KALRN: variants seen among roughly 807,000 people sequenced by gnomAD.
The protein encoded by KALRN is kalirin RhoGEF kinase.
KALRN carries 70 observed loss-of-function variants against 353.7 expected under a neutral mutation model. That is an observed-to-expected ratio of 0.20 (90% CI 0.16 to 0.24). KALRN has a LOEUF of 0.24. Among genes scored for constraint, KALRN ranks in the 10% least tolerant of loss-of-function variants. The pLI, the probability that KALRN is intolerant of heterozygous loss-of-function variation, is 1.00. For missense variants in KALRN, 2,791 were observed against 3,756.7 expected, an observed-to-expected ratio of 0.74 and a Z score of 6.72; for synonymous variants, 1,391 against 1,434.8, an observed-to-expected ratio of 0.97 and a Z score of 0.69.
At chr3:124,681,900 G>C (rs1286258753) in intron 51 of KALRN, among the ~76,000 whole-genome samples, 1 of 152,130 alleles carries the variant, frequency 6.6e-6, no homozygotes, top group African/African-American at 2.4e-5. Context: ...AAAGTGCTGG[G>C]ATTACAGGTG....
chr3:124,344,058 A>G (rs1192052387), intron 9 of KALRN, among the ~76,000 whole-genome samples: 2 of 152,266 alleles, frequency 1.3e-5, no homozygotes, highest in African/African-American at 4.8e-5. Context: ...AATGACTATC[A>G]TGCTGTATAT....
At chr3:124,051,309 G>A (rs1304070125) in intron 1 of KALRN, among the ~76,000 whole-genome samples, 3 of 152,194 alleles carry the variant, frequency 2.0e-5, no homozygotes, top group Non-Finnish European at 4.4e-5. Context: ...AGAGGTTGGT[G>A]TTTTGGTCTG....
At chr3:124,703,804 C>A (rs558396383) in intron 57 of KALRN, among the ~76,000 whole-genome samples, 2 of 152,064 alleles carry the variant, frequency 1.3e-5, no homozygotes, top group African/African-American at 4.8e-5. Flanking sequence ...CAGGTGCACA[C>A]CACCATACCT....
At chr3:124,641,252 A>G (rs754365510) in intron 37 of KALRN, among the ~76,000 whole-genome samples, 1 of 152,120 alleles carries the variant, frequency 6.6e-6, no homozygotes, top group Non-Finnish European at 1.5e-5. Flanking sequence ...CTGGACATTA[A>G]TGGGCCCTTC....
intron 51 of KALRN, among the ~76,000 whole-genome samples, chr3:124,689,034 G>A (rs1289507776): frequency 1.3e-5 from 2 of 152,146 alleles, no homozygotes; most frequent in African/African-American, 4.8e-5. Flanking sequence ...CCCTCTGCTG[G>A]TCAAATAAAA....
intron 1 of KALRN, among the ~76,000 whole-genome samples, chr3:124,047,298 C>G (rs2040572308): frequency 2.0e-5 from 3 of 152,026 alleles, no homozygotes; most frequent in Admixed American, 1.3e-4. Flanking sequence ...GATCTTTGTC[C>G]CTGAAAAGTT....
intron 33 of KALRN, among the ~76,000 whole-genome samples, chr3:124,548,638 C>T (rs2070030617): frequency 6.6e-6 from 1 of 152,194 alleles, no homozygotes; most frequent in Non-Finnish European, 1.5e-5. Flanking sequence ...CAAGTGTTCA[C>T]ATGCATTATA....
intron 1 of KALRN, among the ~76,000 whole-genome samples, chr3:124,137,591 T>C (rs1259278363): frequency 4.6e-5 from 7 of 152,162 alleles, no homozygotes; most frequent in Admixed American, 3.3e-4. Context: ...TGGGACTAAC[T>C]TGAGGATGCA....
At chr3:124,479,716 ATTTTTTTTTTTTTT>A (rs142639039) in intron 27 of KALRN, among the ~76,000 whole-genome samples, 2 of 86,808 alleles carry the variant, frequency 2.3e-5, no homozygotes, top group African/African-American at 8.4e-5. Context: ...ACGATCCAGA[ATTTTTTTTTTTTTT>A]TTTTTTTTTT....
chr3:124,270,773 G>T (rs1343320334), intron 5 of KALRN, among the ~76,000 whole-genome samples: 1 of 151,042 alleles, frequency 6.6e-6, no homozygotes, highest in Non-Finnish European at 1.5e-5. Context: ...CCAGAATCAG[G>T]TACTTTGGCT....
At chr3:124,673,638 T>C (rs2086785818) in intron 48 of KALRN, among the ~76,000 whole-genome samples, 2 of 152,038 alleles carry the variant, frequency 1.3e-5, no homozygotes, top group South Asian at 4.1e-4. Context: ...AGAATATATA[T>C]GTATATACTG....
At chr3:124,072,286 G>A (rs775916110) in intron 1 of KALRN, among the ~76,000 whole-genome samples, 11 of 152,138 alleles carry the variant, frequency 7.2e-5, no homozygotes, top group Non-Finnish European at 1.5e-4. Context: ...GTTCTGTTCC[G>A]ATCTGCTCCC....
chr3:124,690,505 G>C (rs2061757352), intron 51 of KALRN, among the ~76,000 whole-genome samples: 1 of 152,214 alleles, frequency 6.6e-6, no homozygotes, highest in South Asian at 2.1e-4. Flanking sequence ...AGATAGGATA[G>C]ATAGAGAGGT....
chr3:124,619,978 G>GT (rs879624412), intron 34 of KALRN, among the ~76,000 whole-genome samples: 3,002 of 142,438 alleles, frequency 0.021, 96 homozygotes, highest in African/African-American at 0.069. Flanking sequence ...AACCATTTTG[G>GT]TTTTTTTTTT....
intron 33 of KALRN, among the ~76,000 whole-genome samples, chr3:124,561,630 C>T (rs1373750943): frequency 6.6e-6 from 1 of 152,172 alleles, no homozygotes; most frequent in East Asian, 1.9e-4. Context: ...GACAAGTGCA[C>T]TAATATGGCC....
intron 1 of KALRN, among the ~76,000 whole-genome samples, chr3:124,127,842 A>G (rs1388763288): frequency 6.6e-6 from 1 of 152,220 alleles, no homozygotes; most frequent in Non-Finnish European, 1.5e-5. Context: ...TCCTTCAGCT[A>G]ATTGAGACAG....
intron 1 of KALRN, among the ~76,000 whole-genome samples, chr3:124,189,831 C>G (rs1249781307): frequency 2.0e-5 from 3 of 150,468 alleles, no homozygotes; most frequent in Non-Finnish European, 4.4e-5. Flanking sequence ...CCCAGCTGCT[C>G]AAGAGGCTGA....
At chr3:124,314,256 A>T (rs918085465) in intron 6 of KALRN, among the ~76,000 whole-genome samples, 2 of 150,708 alleles carry the variant, frequency 1.3e-5, no homozygotes, top group African/African-American at 4.9e-5. Flanking sequence ...AAGGACAGAA[A>T]ACCAAACACC....
intron 1 of KALRN, among the ~76,000 whole-genome samples, chr3:124,170,759 G>A (rs2071639746): frequency 6.9e-6 from 1 of 145,606 alleles, no homozygotes; most frequent in African/African-American, 2.5e-5. Flanking sequence ...GAAGCCTGCA[G>A]AGTCTCAGGG....
Sources: gnomAD v4.1 joint callset for allele counts (sites outside exome capture counted in the v4.1 genomes callset) on GRCh38, gnomAD v4.1.1 for gene constraint, MANE v1.5 for transcripts, NCBI Gene and HGNC (gene_info 2026-07-23, HGNC 2026-07-21) for gene names.